FAM118A: variants seen among roughly 807,000 people sequenced by gnomAD.
FAM118A encodes the protein protein FAM118A.
Under a neutral mutation model 38.2 loss-of-function variants are expected in FAM118A, and 25 were observed. The ratio of observed to expected loss-of-function variants is 0.65; its 90% CI spans 0.48 to 0.91. The LOEUF (loss-of-function observed/expected upper bound fraction) is 0.91, where lower values mean the gene tolerates loss of function less well. FAM118A is among the 40% of genes least tolerant of loss of function. The pLI, the probability that FAM118A is intolerant of heterozygous loss-of-function variation, is 0.00. For synonymous variants in FAM118A, 178 were observed against 184.1 expected, an observed-to-expected ratio of 0.97 and a Z score of 0.27; for missense variants, 425 against 463.3, an observed-to-expected ratio of 0.92 and a Z score of 0.76.
chr22:45,337,488 A>G (rs1212771183), intron 8 of FAM118A, among the ~76,000 whole-genome samples: 1 of 152,002 alleles, frequency 6.6e-6, no homozygotes, highest in Non-Finnish European at 1.5e-5. Flanking sequence ...GTTACTTCTT[A>G]CTTTTTGAGG....
intron 1 of FAM118A, among the ~76,000 whole-genome samples, chr22:45,317,051 C>G (rs893760307): frequency 1.3e-5 from 2 of 152,180 alleles, no homozygotes; most frequent in Non-Finnish European, 2.9e-5. Flanking sequence ...TTTGAAACTG[C>G]TCAAAGCCCA....
chr22:45,334,088 T>C (rs957682388), intron 6 of FAM118A, among the ~76,000 whole-genome samples: 7 of 152,218 alleles, frequency 4.6e-5, no homozygotes, highest in Admixed American at 4.6e-4. Context: ...TTTCACGTAA[T>C]GTATTTTCCC....
intron 1 of FAM118A, chr22:45,318,805 G>C (rs1016643176): frequency 6.6e-6 from 1 of 152,182 alleles, no homozygotes; most frequent in African/African-American, 2.4e-5. Context: ...TTAAAGTCTA[G>C]AGGCCCATCT....
intron 6 of FAM118A, among the ~76,000 whole-genome samples, chr22:45,333,059 G>A (rs922255832): frequency 6.6e-6 from 1 of 152,056 alleles, no homozygotes; most frequent in Non-Finnish European, 1.5e-5. Context: ...CACTTTTCAA[G>A]TACAAAACTC....
intron 1 of FAM118A, among the ~76,000 whole-genome samples, chr22:45,321,249 C>A (rs1207779342): frequency 6.6e-6 from 1 of 151,968 alleles, no homozygotes; most frequent in East Asian, 1.9e-4. Flanking sequence ...CCCTTGTAAA[C>A]ATTTTTAAAA....
chr22:45,326,425 T>C (rs1045669492), intron 3 of FAM118A, among the ~76,000 whole-genome samples: 31 of 152,288 alleles, frequency 2.0e-4, no homozygotes, highest in Non-Finnish European at 3.7e-4. Flanking sequence ...TGCTGGCTCA[T>C]GCCTGTAATC....
chr22:45,336,448 G>T (rs368751690), intron 8 of FAM118A, 37 bp downstream of exon 8: 11 of 1,530,586 alleles, frequency 7.2e-6, no homozygotes, highest in Non-Finnish European at 1.0e-5. Flanking sequence ...AGCTGCCTCG[G>T]GTCTCTCTTG....
At chr22:45,309,907 T>A (rs1474627111), upstream of FAM118A, 1 of 151,474 alleles carries the variant, frequency 6.6e-6, no homozygotes, top group Non-Finnish European at 1.5e-5. Flanking sequence ...TTCACGCGGC[T>A]GGGGCGGGCG....
rs2084919382 is a variant in FAM118A, at chr22:45,322,187, G to A, written c.-9-184G>A. 3.3e-6 allele frequency: 5 copies of A among 1,517,068 alleles called. No individual in the cohort carries two copies. In the African/African-American group the frequency reaches 5.5e-5, roughly 17 times the overall value. The allele number at this position is 1,517,068 out of a possible 1,614,324, so 94.0% of individuals were successfully genotyped here. On this transcript the variant is annotated intron_variant, in intron 1 of 8. Transcript: ENST00000441876. ...CAGCCTGATGAGTCTCATGAGATGA[G>A]GAATGGTGGCTTAGGAAGCATTTTG...
intron 8 of FAM118A, chr22:45,337,781 C>T (rs960123349): frequency 9.2e-6 from 9 of 973,980 alleles, no homozygotes; most frequent in South Asian, 4.8e-5. Flanking sequence ...CTCCTGAGGC[C>T]GCTTCTGCAG....
At chr22:45,326,197 C>T (rs1449627138) in intron 3 of FAM118A, among the ~76,000 whole-genome samples, 3 of 151,992 alleles carry the variant, frequency 2.0e-5, no homozygotes, top group South Asian at 2.1e-4. Flanking sequence ...TCTCTGTCCC[C>T]TCCCAGCAAA....
chr22:45,315,694 A>G (rs1287443747), intron 1 of FAM118A, among the ~76,000 whole-genome samples: 1 of 150,626 alleles, frequency 6.6e-6, no homozygotes, highest in Non-Finnish European at 1.5e-5. Context: ...AGAGAGGTCT[A>G]CCTGGCTGGG....
intron 1 of FAM118A, among the ~76,000 whole-genome samples, chr22:45,321,050 A>T (rs903336016): frequency 6.6e-6 from 1 of 152,186 alleles, no homozygotes; most frequent in South Asian, 2.1e-4. Context: ...CATAAAGGAG[A>T]TGTATTTATT....
intron 5 of FAM118A, 107 bp from the exon 6 acceptor site, chr22:45,332,318 G>A (rs1431344679): frequency 5.8e-6 from 7 of 1,210,316 alleles, no homozygotes; most frequent in Admixed American, 4.2e-5. Context: ...CCCTGGGAAC[G>A]CCTGTCAGGG....
intron 1 of FAM118A, among the ~76,000 whole-genome samples, chr22:45,312,454 T>A (rs1180829443): frequency 6.6e-6 from 1 of 152,024 alleles, no homozygotes; most frequent in Admixed American, 6.6e-5. Flanking sequence ...GGGTAGATCA[T>A]CTGAGGTCGG....
chr22:45,334,055 T>G (rs907191482), intron 6 of FAM118A, among the ~76,000 whole-genome samples: 1 of 152,194 alleles, frequency 6.6e-6, no homozygotes, highest in African/African-American at 2.4e-5. Context: ...CACAAAATGA[T>G]TTCATGAACA....
chr22:45,323,041 CTGTGTGTGTG>C (rs3041118), intron 2 of FAM118A, 124 bp from the exon 3 acceptor site: 70 of 659,674 alleles, frequency 1.1e-4, no homozygotes, highest in South Asian at 3.2e-4. Flanking sequence ...TCAGAGGGGA[CTGTGTGTGTG>C]TGTGTGTGTG....
At chr22:45,335,948 G>A (rs935750016) in intron 7 of FAM118A, among the ~76,000 whole-genome samples, 5 of 152,208 alleles carry the variant, frequency 3.3e-5, no homozygotes, top group Non-Finnish European at 7.3e-5. Context: ...GGTGAGTGGC[G>A]CGGAGGCCTC....
At chr22:45,339,124 G>A (rs979685602) in intron 8 of FAM118A, among the ~76,000 whole-genome samples, 2 of 152,222 alleles carry the variant, frequency 1.3e-5, no homozygotes, top group East Asian at 3.8e-4. Context: ...TACAACTTTG[G>A]CTGGGCTTAG....
Sources: allele counts gnomAD v4.1 joint callset (sites outside exome capture counted in the v4.1 genomes callset), GRCh38; gene constraint gnomAD v4.1.1; transcripts MANE v1.5; gene names NCBI Gene and HGNC (gene_info 2026-07-23, HGNC 2026-07-21).